CWF19L2: variants seen among roughly 807,000 people sequenced by gnomAD.
CWF19L2 encodes the protein CWF19 like cell cycle control factor 2.
Under a neutral mutation model 111.7 loss-of-function variants are expected in CWF19L2, and 98 were observed. That is an observed-to-expected ratio of 0.88 (90% CI 0.75 to 1.04). CWF19L2 has a LOEUF of 1.04. CWF19L2 is among the 50% of genes least tolerant of loss of function. The pLI, the probability that CWF19L2 is intolerant of heterozygous loss-of-function variation, is 0.00. For synonymous variants in CWF19L2, 351 were observed against 342.9 expected (o/e 1.02, Z -0.26); for missense variants, 1,101 against 1,051.4 (o/e 1.05, Z -0.65).
intron 16 of CWF19L2, among the ~76,000 whole-genome samples, chr11:107,332,732 A>T (rs908670020): frequency 6.6e-6 from 1 of 152,190 alleles, no homozygotes; most frequent in East Asian, 1.9e-4. Flanking sequence ...AAGATAATGG[A>T]AAGTTTATTA....
intron 3 of CWF19L2, among the ~76,000 whole-genome samples, chr11:107,443,381 G>A (rs985403002): frequency 1.3e-5 from 2 of 152,072 alleles, no homozygotes; most frequent in African/African-American, 4.8e-5. Flanking sequence ...TGCTCAGGAG[G>A]CTAAGGCAGG....
intron 8 of CWF19L2, among the ~76,000 whole-genome samples, chr11:107,425,531 G>A (rs933183600): frequency 1.3e-5 from 2 of 151,872 alleles, no homozygotes; most frequent in East Asian, 3.8e-4. Context: ...TACACACTAC[G>A]CTGTCCACAC....
chr11:107,442,740 AAGGAAGGAAGG>A (rs1565287121), intron 4 of CWF19L2, among the ~76,000 whole-genome samples, 188 bp downstream of exon 4: 1 of 18,736 alleles, frequency 5.3e-5, no homozygotes, highest in African/African-American at 1.9e-4. Context: ...GAAAGAAAGG[AAGGAAGGAAGG>A]AAGGAAGGAA....
At position 107,326,562 on chromosome 11, in the gene CWF19L2, T is replaced by A. The variant is rs75669832; in HGVS notation, c.*348A>T. The A allele has an allele frequency of 5.6e-6, 1 of 177,232 alleles. No individual in the cohort carries two copies. The highest frequency in any genetic ancestry group is 2.3e-5 in the African/African-American group (1 of 42,626). 11.0% of individuals were successfully genotyped at this position (177,232 alleles called of 1,614,324 possible). On this transcript the variant is annotated 3_prime_UTR_variant, in exon 18 of 18. Coordinates refer to ENST00000282251, the MANE Select transcript of CWF19L2 (RefSeq NM_152434.3). ...CTTAACAACCATGAAGCAGACCCACTTCCCTCTGAACCAAGGATTTCCTAT... is the reference window on the plus strand; with the variant it reads ...CTTAACAACCATGAAGCAGACCCACATCCCTCTGAACCAAGGATTTCCTAT...
intron 10 of CWF19L2, chr11:107,404,666 G>A (rs1861053379): frequency 2.3e-6 from 1 of 437,142 alleles, no homozygotes; most frequent in Non-Finnish European, 4.3e-6. Context: ...AAACTTAACT[G>A]TCTTCCCCAC....
In CWF19L2 at chr11:107,335,959, C is replaced by T. The variant is rs1395432259; in HGVS notation, c.2358+599G>A. Among the ~76,000 whole-genome samples, 6 of 152,204 alleles carry T rather than the reference C, an allele frequency of 3.9e-5. 1 individual carries two copies. Among genetic ancestry groups the T allele is most frequent in the Non-Finnish European group, 5.9e-5 (4 of 68,018 alleles). On this transcript the variant is annotated intron_variant, in intron 15 of 17. Transcript: ENST00000282251. Reference sequence around the variant, plus strand: ...AGTGTAGGCCAGGTGCAGTGGCTCACGCCTATAATTCCAGCACTTTGGGAG... The same window carrying T: ...AGTGTAGGCCAGGTGCAGTGGCTCATGCCTATAATTCCAGCACTTTGGGAG...
chr11:107,425,037 A>G (rs1162738339), intron 8 of CWF19L2, among the ~76,000 whole-genome samples: 2 of 151,904 alleles, frequency 1.3e-5, no homozygotes, highest in African/African-American at 4.8e-5. Context: ...CATCACCATG[A>G]CACCTGCAAT....
intron 6 of CWF19L2, among the ~76,000 whole-genome samples, chr11:107,434,685 A>AAG (rs535115432): frequency 0.021 from 3,209 of 151,130 alleles, 118 homozygotes; most frequent in African/African-American, 0.073. Context: ...AAAAAAAAAA[A>AAG]AAAAGAAAAA....
At chr11:107,434,672 C>CAAAAAAAAAAA (rs71044301) in intron 6 of CWF19L2, among the ~76,000 whole-genome samples, 1 of 115,814 alleles carries the variant, frequency 8.6e-6, no homozygotes, top group Non-Finnish European at 1.8e-5. Context: ...TATTACACAG[C>CAAAAAAAAAAA]AAAAAAAAAA....
intron 12 of CWF19L2, among the ~76,000 whole-genome samples, chr11:107,355,555 GT>G (rs1241857137): frequency 2.7e-5 from 4 of 149,062 alleles, no homozygotes; most frequent in African/African-American, 9.8e-5. Flanking sequence ...TTCTATTCAT[GT>G]CAGACAAAGC....
chr11:107,418,085 G>C, intron 9 of CWF19L2, 109 bp downstream of exon 9: 1 of 735,982 alleles, frequency 1.4e-6, no homozygotes, highest in Non-Finnish European at 2.4e-6. Flanking sequence ...ATAACCAACA[G>C]TTATTTTCAC....
At chr11:107,434,347 C>T (rs1861510383) in intron 6 of CWF19L2, among the ~76,000 whole-genome samples, 1 of 152,042 alleles carries the variant, frequency 6.6e-6, no homozygotes, top group Admixed American at 6.6e-5. Flanking sequence ...CATTTGAAAG[C>T]CTTCAACTAA....
At chr11:107,428,446 AATAAG>A (rs1861411230) in intron 8 of CWF19L2, among the ~76,000 whole-genome samples, 1 of 152,088 alleles carries the variant, frequency 6.6e-6, no homozygotes, top group Admixed American at 6.6e-5. Context: ...TATACTCAAC[AATAAG>A]ATAATTTCCT....
intron 10 of CWF19L2, among the ~76,000 whole-genome samples, chr11:107,412,278 A>T (rs1861167088): frequency 6.6e-6 from 1 of 152,226 alleles, no homozygotes; most frequent in Non-Finnish European, 1.5e-5. Flanking sequence ...GGTTTCTGAC[A>T]AACATACTCT....
chr11:107,403,896 C>G, intron 10 of CWF19L2: 1 of 802,340 alleles, frequency 1.2e-6, no homozygotes. Context: ...AGAAGTTCAG[C>G]TTCTAGTTTT....
chr11:107,424,729 GAATTA>G (rs1381890229), intron 8 of CWF19L2, among the ~76,000 whole-genome samples: 3 of 151,800 alleles, frequency 2.0e-5, no homozygotes, highest in South Asian at 4.1e-4. Context: ...TTTCTAACAA[GAATTA>G]AATTGTTTAT....
At position 107,439,230 on chromosome 11, in the gene CWF19L2, T is replaced by A; in HGVS notation, c.571-47A>T. On this transcript the variant is annotated intron_variant, in intron 5 of 17. Transcript: ENST00000282251. ...GGTGAAATTTCAAAAAATTAACAAATTATAAAAAATTAACAAATAATAAAT... is the reference window on the plus strand; with the variant it reads ...GGTGAAATTTCAAAAAATTAACAAAATATAAAAAATTAACAAATAATAAAT... The A allele has an allele frequency of 3.7e-6, 4 of 1,082,290 alleles. 1 individual carries two copies. The South Asian group carries it at 5.6e-5, about 15-fold the overall frequency. 67.0% of individuals were successfully genotyped at this position (1,082,290 alleles called of 1,614,324 possible). A position where few individuals can be genotyped will look rare whatever the true frequency, so the allele number is the denominator to read the frequency against.
intron 14 of CWF19L2, chr11:107,348,675 G>A (rs1228781031): frequency 5.0e-6 from 1 of 199,676 alleles, no homozygotes; most frequent in African/African-American, 2.3e-5. Flanking sequence ...TGAAATCTTA[G>A]ACTGATTTTT....
At chr11:107,361,598 G>C (rs1860338424) in intron 12 of CWF19L2, among the ~76,000 whole-genome samples, 1 of 152,100 alleles carries the variant, frequency 6.6e-6, no homozygotes, top group African/African-American at 2.4e-5. Flanking sequence ...TAAGTCTTCT[G>C]GTCCATGAGA....
Sources: gnomAD v4.1 joint callset for allele counts (sites outside exome capture counted in the v4.1 genomes callset) on GRCh38, gnomAD v4.1.1 for gene constraint, MANE v1.5 for transcripts, NCBI Gene and HGNC (gene_info 2026-07-23, HGNC 2026-07-21) for gene names.